The following LASP1 variants were observed in gnomAD, a reference collection of about 807,000 sequenced individuals.
The protein encoded by LASP1 is LIM and SH3 domain protein 1.
Under a neutral mutation model 38.6 loss-of-function variants are expected in LASP1, and 10 were observed. That is an observed-to-expected ratio of 0.26 (90% CI 0.16 to 0.44). The LOEUF is 0.44. Among genes scored for constraint, LASP1 ranks in the 20% least tolerant of loss-of-function variants. LASP1 has a pLI of 1.00. For missense variants in LASP1, 243 were observed against 375.7 expected (o/e 0.65, Z 2.92); for synonymous variants, 132 against 140.8 (o/e 0.94, Z 0.44).
rs571022664 is a variant in LASP1 at position 38,882,310 on chromosome 17, C to T, written c.164+4130C>T. ...TCGCTCAGGCTGGAGTGCAGTGGTG[C>T]GATCTCCGCTCACTACAACCTCTGC... On this transcript the variant is annotated intron_variant, in intron 2 of 6. Coordinates refer to ENST00000318008, the MANE Select transcript of LASP1 (RefSeq NM_006148.4). 1.7e-3 allele frequency among the ~76,000 whole-genome samples: 252 copies of T among 152,258 alleles called. 1 individual carries two copies. The highest frequency in any genetic ancestry group is 4.2e-3 in the African/African-American group (176 of 41,538).
At chr17:38,909,979 T>G (rs1023067721) in intron 4 of LASP1, among the ~76,000 whole-genome samples, 14 of 152,246 alleles carry the variant, frequency 9.2e-5, no homozygotes, top group African/African-American at 3.1e-4. Flanking sequence ...AACTCCTGAC[T>G]TCAAGCAATC....
chr17:38,913,621 G>C (rs1437310620), intron 4 of LASP1, among the ~76,000 whole-genome samples: 1 of 152,184 alleles, frequency 6.6e-6, no homozygotes, highest in Admixed American at 6.5e-5. Flanking sequence ...CCCTGGCGCA[G>C]TAAGAGCTCA....
At chr17:38,908,346 C>G (rs773030938) in intron 4 of LASP1, among the ~76,000 whole-genome samples, 1 of 152,248 alleles carries the variant, frequency 6.6e-6, no homozygotes, top group South Asian at 2.1e-4. Context: ...GCAGGTGCCT[C>G]GTGAGCCTGG....
intron 4 of LASP1, among the ~76,000 whole-genome samples, chr17:38,913,126 A>G (rs1459352654): frequency 1.3e-5 from 2 of 152,150 alleles, no homozygotes; most frequent in Non-Finnish European, 2.9e-5. Flanking sequence ...CAGCCCTCAA[A>G]CAACATGAGG....
intron 3 of LASP1, among the ~76,000 whole-genome samples, chr17:38,891,058 G>A (rs1489162801): frequency 6.6e-6 from 1 of 152,152 alleles, no homozygotes; most frequent in Non-Finnish European, 1.5e-5. Flanking sequence ...GGGGAGGACG[G>A]GTTCCAGGCC....
At chr17:38,916,863 GAAA>G in intron 6 of LASP1, 1 of 139,716 alleles carries the variant, frequency 7.2e-6, no homozygotes, top group Non-Finnish European at 1.6e-5. Flanking sequence ...ACTCCAGCTA[GAAA>G]AAAAAAAAGA....
chr17:38,904,790 T>G (rs1914732658), intron 4 of LASP1, among the ~76,000 whole-genome samples: 1 of 152,198 alleles, frequency 6.6e-6, no homozygotes, highest in African/African-American at 2.4e-5. Context: ...TTATACTCTG[T>G]AATGAGCTTC....
chr17:38,905,281 C>T (rs1325201382), intron 4 of LASP1, among the ~76,000 whole-genome samples: 2 of 152,232 alleles, frequency 1.3e-5, no homozygotes, highest in East Asian at 3.9e-4. Flanking sequence ...GTAATCCCAG[C>T]ACTTTGGGAG....
In LASP1 at chr17:38,914,398, G is replaced by A. The variant is rs761633094; in HGVS notation, c.431G>A (p.Arg144Gln). ...GGCGAGGGCATGGAGCCAGAGCGTC[G>A]GGATTCACAGGACGGCAGCAGCTAC... Reference protein sequence around the residue: ...SGGEGMEPERRDSQDGSSYRR... With the variant: ...SGGEGMEPERQDSQDGSSYRR... The change falls in exon 5 of 7, where the codon CGG becomes CAG. Residue 144 changes from arginine to glutamine, a missense_variant. Around this residue, in one of 4 missense-constraint regions of LASP1, gnomAD observed 165 missense variants for 210.3 expected, o/e 0.78. Coordinates refer to ENST00000318008, the MANE Select transcript of LASP1 (RefSeq NM_006148.4). 17 of 1,611,936 alleles carry A rather than the reference G, an allele frequency of 1.1e-5. No individual in the cohort carries two copies. Among genetic ancestry groups the A allele is most frequent in the East Asian group, 2.2e-5 (1 of 44,882 alleles).
intron 2 of LASP1, among the ~76,000 whole-genome samples, chr17:38,886,146 C>G (rs896517090): frequency 6.6e-6 from 1 of 151,970 alleles, no homozygotes; most frequent in Non-Finnish European, 1.5e-5. Context: ...CTCTCTCTCT[C>G]TCTGTCTCGC....
chr17:38,895,131 T>C (rs952325035), intron 3 of LASP1, among the ~76,000 whole-genome samples: 3 of 152,210 alleles, frequency 2.0e-5, no homozygotes, highest in Middle Eastern at 3.4e-3. Context: ...ATAGTGGAAA[T>C]TGTATTTCGC....
chr17:38,878,598 C>T (rs1913850495), intron 2 of LASP1, among the ~76,000 whole-genome samples: 1 of 152,148 alleles, frequency 6.6e-6, no homozygotes, highest in South Asian at 2.1e-4. Context: ...GGACTTTGTT[C>T]TGTTTACCTT....
chr17:38,878,437 C>A (rs753410100), intron 2 of LASP1, among the ~76,000 whole-genome samples: 1 of 152,138 alleles, frequency 6.6e-6, no homozygotes, highest in Non-Finnish European at 1.5e-5. Context: ...AAGAGACTCT[C>A]AAGGTGGGAT....
In LASP1 at chr17:38,914,429, G is replaced by A. The variant is rs747299439; in HGVS notation, c.462G>A (p.Arg154=). The A allele has an allele frequency of 6.2e-7, 1 of 1,611,320 alleles. No homozygotes were observed. Among genetic ancestry groups the A allele is most frequent in the South Asian group, 1.1e-5 (1 of 90,900 alleles). ...CACAGGACGGCAGCAGCTACCGGCG[G>A]CCCCTGGAGCAGCAGCAGCCTCACC... is the stretch of plus-strand genomic sequence containing the variant. ...RDSQDGSSYR[R]PLEQQQPHHI... The change falls in exon 5 of 7, where the codon CGG becomes CGA. Residue 154 remains arginine, a synonymous_variant. Transcript: ENST00000318008.
intron 3 of LASP1, among the ~76,000 whole-genome samples, chr17:38,892,175 A>G (rs1009878599): frequency 3.9e-5 from 6 of 152,182 alleles, no homozygotes; most frequent in African/African-American, 9.7e-5. Context: ...TTCTGGGAGA[A>G]GGTAAAAGAC....
At chr17:38,885,814 GA>G (rs1352948855) in intron 2 of LASP1, among the ~76,000 whole-genome samples, 3 of 152,184 alleles carry the variant, frequency 2.0e-5, no homozygotes, top group African/African-American at 7.2e-5. Flanking sequence ...GGCAGGAAGG[GA>G]AAAGGTAGAA....
chr17:38,898,757 T>A, intron 4 of LASP1: 1 of 587,378 alleles, frequency 1.7e-6, no homozygotes. Flanking sequence ...TGTGGGGGCC[T>A]GTGTGCTAAA....
chr17:38,897,280 G>A (rs1311692022), intron 3 of LASP1, among the ~76,000 whole-genome samples: 2 of 152,238 alleles, frequency 1.3e-5, no homozygotes, highest in Non-Finnish European at 2.9e-5. Context: ...AGGTGTGGCC[G>A]TGGCTGCATG....
At chr17:38,878,893 C>A (rs1315113747) in intron 2 of LASP1, among the ~76,000 whole-genome samples, 1 of 152,146 alleles carries the variant, frequency 6.6e-6, no homozygotes, top group Non-Finnish European at 1.5e-5. Context: ...CTGGGACCTG[C>A]AGCAGCTGAC....
Sources: allele counts gnomAD v4.1 joint callset (sites outside exome capture counted in the v4.1 genomes callset), GRCh38; gene constraint gnomAD v4.1.1; regional missense constraint gnomAD v4.1.1; transcripts MANE v1.5; gene names NCBI Gene and HGNC (gene_info 2026-07-23, HGNC 2026-07-21).